Variants in ERCC1 observed in about 807,000 individuals in gnomAD.
The protein encoded by ERCC1 is ERCC excision repair 1, endonuclease non-catalytic subunit, also known as DNA excision repair protein ERCC-1.
A neutral mutation model predicts 37.6 loss-of-function variants in ERCC1; 36 were observed. The observed-to-expected ratio is 0.96, with a 90% confidence interval of 0.73 to 1.26. ERCC1 has a LOEUF of 1.26. Among genes scored for constraint, ERCC1 ranks in the 50% most tolerant of loss-of-function variants. The probability of loss-of-function intolerance (pLI) is 0.00; values close to 1 mark genes in which losing one functional copy is unlikely to be tolerated. For missense variants in ERCC1, 349 were observed against 376.5 expected (o/e 0.93, Z 0.60); for synonymous variants, 156 against 162.1 (o/e 0.96, Z 0.28).
At chr19:45,446,285 T>C (rs1333818217) in intron 1 of ERCC1, among the ~76,000 whole-genome samples, 2 of 152,168 alleles carry the variant, frequency 1.3e-5, no homozygotes, top group African/African-American at 4.8e-5. Context: ...GACCAGTCAC[T>C]GTCATGGTCC....
rs1555785258 is a variant in ERCC1 at position 45,409,895 on chromosome 19, A to ATTATT, written c.844-171_844-170insAATAA. On this transcript the variant is annotated intron_variant, in intron 9 of 9. Coordinates refer to ENST00000300853, the MANE Select transcript of ERCC1 (RefSeq NM_001983.4). Reference sequence around the variant, plus strand: ...TTTTTAAGTTATTATTATTATTATTATTTTTTTTTTTTTTGAGATGGAGTC... The same window carrying ATTATT: ...TTTTTAAGTTATTATTATTATTATTATTATTTTTTTTTTTTTTTTGAGATGGAGTC... The ATTATT allele has an allele frequency of 3.6e-3, 615 of 171,504 alleles. 1 individual carries two copies. The highest frequency in any genetic ancestry group is 8.8e-3 in the African/African-American group (320 of 36,466). The allele number at this position is 171,504 out of a possible 1,614,324, so 10.6% of individuals were successfully genotyped here.
intron 5 of ERCC1, among the ~76,000 whole-genome samples, chr19:45,418,539 T>G (rs3212963): frequency 0.037 from 5,354 of 145,692 alleles, 298 homozygotes; most frequent in African/African-American, 0.13. Flanking sequence ...AAGAGAGAGA[T>G]ATGGCCAGGC....
chr19:45,451,209 TC>T (rs1033610702), intron 1 of ERCC1, among the ~76,000 whole-genome samples: 2 of 151,926 alleles, frequency 1.3e-5, no homozygotes, highest in Admixed American at 1.3e-4. Flanking sequence ...CTGCGCCCCC[TC>T]CTCCCCGGCA....
chr19:45,423,250 C>T lies in ERCC1; in HGVS notation c.105+20G>A. The T allele has an allele frequency of 6.2e-7, 1 of 1,607,138 alleles. No individual in the cohort carries two copies. The highest frequency in any genetic ancestry group is 8.5e-7 in the Non-Finnish European group (1 of 1,176,830). On this transcript the variant is annotated intron_variant, in intron 2 of 9. Transcript: ENST00000300853. ...TAACAGCCCCCAGCCTCCCAGGGGC[C>T]CCGCATCTCCTTGTCCTACCACTCC...
intron 1 of ERCC1, among the ~76,000 whole-genome samples, chr19:45,435,957 G>T (rs2123587337): frequency 6.6e-6 from 1 of 152,180 alleles, no homozygotes; most frequent in Non-Finnish European, 1.5e-5. Flanking sequence ...GTAGAGACGG[G>T]GTTTCACCAT....
Position 45,420,496 on chromosome 19 carries a change from C to T in ERCC1, c.322-69G>A. 2.1e-6 allele frequency: 2 copies of T among 955,178 alleles called. No homozygotes were observed. The highest frequency in any genetic ancestry group is 3.8e-5 in the Admixed American group (2 of 53,014). 59.2% of individuals were successfully genotyped at this position (955,178 alleles called of 1,614,324 possible). A position where few individuals can be genotyped will look rare whatever the true frequency, so the allele number is the denominator to read the frequency against. On this transcript the variant is annotated intron_variant, in intron 3 of 9. Transcript: ENST00000300853. The surrounding 1 kb of genome is among the most constrained non-coding windows in gnomAD (Gnocchi z 4.8). Reference sequence around the variant, plus strand: ...TTGATAACCACAGGGCCCTCCTCCACCTCTTCTTGCACCTCCTCCCTCCTC... The same window carrying T: ...TTGATAACCACAGGGCCCTCCTCCATCTCTTCTTGCACCTCCTCCCTCCTC...
At chr19:45,434,649 G>C (rs1055943609) in intron 1 of ERCC1, among the ~76,000 whole-genome samples, 11 of 152,050 alleles carry the variant, frequency 7.2e-5, no homozygotes, top group African/African-American at 2.2e-4. Context: ...GCAGTGGTAC[G>C]ACCTCAGCTC....
intron 1 of ERCC1, among the ~76,000 whole-genome samples, chr19:45,434,769 A>T (rs920370004): frequency 6.8e-6 from 1 of 146,588 alleles, no homozygotes; most frequent in Non-Finnish European, 1.5e-5. Context: ...AAATTTTTTT[A>T]TTTTTATTTT....
In ERCC1 at chr19:45,414,909, T is replaced by C; in HGVS notation, c.654A>G (p.Lys218=). 6.2e-7 allele frequency: 1 copy of C among 1,613,962 alleles called. No individual in the cohort carries two copies. The highest frequency in any genetic ancestry group is 8.5e-7 in the Non-Finnish European group (1 of 1,179,930). Residue 218 remains lysine, a synonymous_variant, in exon 7 of 10, where the codon AAA becomes AAG. Coordinates refer to ENST00000300853, the MANE Select transcript of ERCC1 (RefSeq NM_001983.4). The part of the protein sequence containing the change: ...YLETYKAYEQ[K]PADLLMEKLE... ...GCTTCTCCATCAGGAGGTCCGCTGG[T>C]TTCTGCTCATAGGCCTTGTAGGTCT...
upstream of ERCC1, among the ~76,000 whole-genome samples, chr19:45,424,644 C>T (rs1159408459): frequency 2.6e-5 from 4 of 152,176 alleles, no homozygotes; most frequent in African/African-American, 7.2e-5. Flanking sequence ...ATTGCTTGCT[C>T]ATATTCCTTG....
At chr19:45,442,322 A>AG in intron 1 of ERCC1, among the ~76,000 whole-genome samples, 1 of 144,040 alleles carries the variant, frequency 6.9e-6, no homozygotes, top group African/African-American at 2.5e-5. Flanking sequence ...TCTCAAAAAA[A>AG]AAAAAAAGAA....
At position 45,423,392 on chromosome 19, in the gene ERCC1, A is replaced by G. The variant is rs1281642748; in HGVS notation, c.-7-11T>C. The stretch of plus-strand genomic sequence containing the variant: ...GGGTCCATCTGGAGCCTGAAAGGGA[A>G]GGTGCCAGGAGCGAGTGAGCCACTG... On this transcript the variant is annotated splice_polypyrimidine_tract_variant and intron_variant, in intron 1 of 9. Coordinates refer to ENST00000300853, the MANE Select transcript of ERCC1 (RefSeq NM_001983.4). 1.2e-6 allele frequency: 2 copies of G among 1,603,462 alleles called. No individual in the cohort carries two copies. Among genetic ancestry groups the G allele is most frequent in the African/African-American group, 2.7e-5 (2 of 74,694 alleles).
At chr19:45,413,436 C>T in intron 9 of ERCC1, 4 of 745,216 alleles carry the variant, frequency 5.4e-6, no homozygotes, top group Non-Finnish European at 9.1e-6. Flanking sequence ...CACCACCATG[C>T]CCAGCTAGTT....
In ERCC1 at chr19:45,423,344, G is replaced by C; in HGVS notation, c.31C>G (p.Pro11Ala). The stretch of plus-strand genomic sequence containing the variant: ...CTTGCTGGCGGCCCTGAGGGCTGGG[G>C]CACCCCCTCTTTGTCCTTCCCAGGG... The part of the protein sequence containing the change: MDPGKDKEGV[P>A]QPSGPPARKK... The change falls in exon 2 of 10, where the codon CCC becomes GCC. Residue 11 changes from proline to alanine, a missense_variant. Transcript: ENST00000300853. 6.2e-7 allele frequency: 1 copy of C among 1,613,508 alleles called. No individual in the cohort carries two copies.
chr19:45,444,576 C>A (rs1975211951), intron 1 of ERCC1, among the ~76,000 whole-genome samples: 1 of 152,166 alleles, frequency 6.6e-6, no homozygotes, highest in Admixed American at 6.5e-5. Context: ...GGCGCAGAAA[C>A]CCGGAGACTG....
chr19:45,410,970 C>T lies in ERCC1; in HGVS notation c.844-1245G>A, dbSNP rs543496587. On this transcript the variant is annotated intron_variant, in intron 9 of 9. Transcript: ENST00000300853. ...TCCCAAGTAGTTGTGATTACAGGCA[C>T]GCGCCACCACACCCAGCTCATTTTT... 3.2e-4 allele frequency among the ~76,000 whole-genome samples: 49 copies of T among 152,200 alleles called. No individual in the cohort carries two copies. The South Asian group carries it at 8.7e-3, about 27-fold the overall frequency.
chr19:45,446,795 C>T (rs192426373), intron 1 of ERCC1, among the ~76,000 whole-genome samples: 1 of 152,184 alleles, frequency 6.6e-6, no homozygotes, highest in Non-Finnish European at 1.5e-5. Context: ...GTCAGGAATT[C>T]GAGACCAGCC....
intron 1 of ERCC1, among the ~76,000 whole-genome samples, chr19:45,442,440 G>A (rs1975146464): frequency 6.6e-6 from 1 of 152,116 alleles, no homozygotes; most frequent in South Asian, 2.1e-4. Flanking sequence ...ATGTATCTTG[G>A]CCAGTAGGAT....
chr19:45,420,281 G>T lies in ERCC1; in HGVS notation c.425+43C>A. On this transcript the variant is annotated intron_variant, in intron 4 of 9. Transcript: ENST00000300853. The surrounding 1 kb of genome is among the most constrained non-coding windows in gnomAD (Gnocchi z 4.8). ...TGGGACATGACCCTCCCAGGCCAGT[G>T]GGGTGCCCTTCCTGAAGTCTGGGGT... 2 of 1,279,160 alleles carry T rather than the reference G, an allele frequency of 1.6e-6. No individual in the cohort carries two copies. Among genetic ancestry groups the T allele is most frequent in the Non-Finnish European group, 2.3e-6 (2 of 886,998 alleles). 79.2% of individuals were successfully genotyped at this position (1,279,160 alleles called of 1,614,324 possible).
Sources: gnomAD v4.1 joint callset for allele counts (sites outside exome capture counted in the v4.1 genomes callset) on GRCh38, gnomAD v4.1.1 for gene constraint, Gnocchi (gnomAD v3.1) non-coding constraint, MANE v1.5 for transcripts, NCBI Gene and HGNC (gene_info 2026-07-23, HGNC 2026-07-21) for gene names.